STXBP5L: variants seen among roughly 807,000 people sequenced by gnomAD.
The protein encoded by STXBP5L is syntaxin-binding protein 5-like.
Under a neutral mutation model 144.5 loss-of-function variants are expected in STXBP5L, and 65 were observed. That is an observed-to-expected ratio of 0.45 (90% CI 0.37 to 0.55). The LOEUF is 0.55. Ranked by LOEUF, STXBP5L falls within the 20% of genes least tolerant of loss-of-function variation. The pLI, the probability that STXBP5L is intolerant of heterozygous loss-of-function variation, is 0.00. For synonymous variants in STXBP5L, 505 were observed against 469.6 expected, an observed-to-expected ratio of 1.08 and a Z score of -0.97; for missense variants, 1,298 against 1,405.5, an observed-to-expected ratio of 0.92 and a Z score of 1.22.
chr3:121,259,127 A>G lies in STXBP5L; in HGVS notation c.1917A>G (p.Pro639=), dbSNP rs1315737370. The change falls in exon 18 of 27, where the codon CCA becomes CCG. Residue 639 remains proline, a synonymous_variant. Transcript: ENST00000471454. ...TGGTGTGGGTAGATGGTGAACCTCC[A>G]CAACAGATTACTAGTCTTGCTGTAA... is the stretch of plus-strand genomic sequence containing the variant. ...IQLVWVDGEP[P]QQITSLAVSS... The G allele has an allele frequency of 6.2e-7, 1 of 1,600,476 alleles. No individual in the cohort carries two copies. Among genetic ancestry groups the G allele is most frequent in the South Asian group, 1.1e-5 (1 of 88,438 alleles).
chr3:121,300,399 C>T (rs1250627612), intron 19 of STXBP5L, among the ~76,000 whole-genome samples: 2 of 152,000 alleles, frequency 1.3e-5, no homozygotes, highest in East Asian at 1.9e-4. Context: ...TTTGTCTTTC[C>T]GTAAACTCTG....
At chr3:121,161,217 A>AGTTTT (rs2046312238) in intron 9 of STXBP5L, among the ~76,000 whole-genome samples, 1 of 147,946 alleles carries the variant, frequency 6.8e-6, no homozygotes, top group East Asian at 2.0e-4. Flanking sequence ...CTGGAAGTTC[A>AGTTTT]GTTTTGTTTT....
At chr3:121,300,267 T>C (rs2051836978) in intron 19 of STXBP5L, among the ~76,000 whole-genome samples, 1 of 152,096 alleles carries the variant, frequency 6.6e-6, no homozygotes, top group Non-Finnish European at 1.5e-5. Context: ...AACAGATCTG[T>C]ACTATAAGAA....
At chr3:121,098,070 T>A (rs2043221378) in intron 5 of STXBP5L, among the ~76,000 whole-genome samples, 1 of 152,212 alleles carries the variant, frequency 6.6e-6, no homozygotes, top group Non-Finnish European at 1.5e-5. Flanking sequence ...CCTATTAGTA[T>A]AATTTTCTGT....
At chr3:120,990,423 C>T (rs1027432162) in intron 3 of STXBP5L, among the ~76,000 whole-genome samples, 14 of 152,250 alleles carry the variant, frequency 9.2e-5, no homozygotes, top group Admixed American at 3.3e-4. Context: ...CATCAAGCTA[C>T]CAATGACTTT....
intron 5 of STXBP5L, among the ~76,000 whole-genome samples, chr3:121,060,511 CT>C (rs1351318237): frequency 2.6e-5 from 4 of 152,170 alleles, no homozygotes; most frequent in Non-Finnish European, 4.4e-5. Flanking sequence ...AGGAGTCCCT[CT>C]TTTTCTATTG....
At chr3:120,997,101 T>A (rs1943411692) in intron 3 of STXBP5L, among the ~76,000 whole-genome samples, 1 of 151,640 alleles carries the variant, frequency 6.6e-6, no homozygotes, top group Non-Finnish European at 1.5e-5. Context: ...TCTAGCTCCA[T>A]CCATGTTACT....
intron 9 of STXBP5L, among the ~76,000 whole-genome samples, chr3:121,190,520 C>G (rs573091216): frequency 1.3e-5 from 2 of 152,300 alleles, no homozygotes; most frequent in East Asian, 1.9e-4. Context: ...CTTTTCTATT[C>G]GACAAAACCG....
intron 9 of STXBP5L, among the ~76,000 whole-genome samples, chr3:121,164,224 A>C (rs950861695): frequency 3.9e-5 from 6 of 152,286 alleles, no homozygotes; most frequent in African/African-American, 1.4e-4. Context: ...ACACATAAAA[A>C]TGGCCAACAC....
At chr3:120,922,958 A>C (rs1709428312) in intron 2 of STXBP5L, among the ~76,000 whole-genome samples, 1 of 151,884 alleles carries the variant, frequency 6.6e-6, no homozygotes, top group Admixed American at 6.6e-5. Flanking sequence ...GTTAGGTAGA[A>C]TTCATCAATG....
chr3:121,026,278 A>C (rs1945938041), intron 3 of STXBP5L, among the ~76,000 whole-genome samples: 1 of 151,868 alleles, frequency 6.6e-6, no homozygotes, highest in Non-Finnish European at 1.5e-5. Flanking sequence ...TCTTTGTTCT[A>C]GATCACCTGG....
intron 9 of STXBP5L, among the ~76,000 whole-genome samples, chr3:121,191,506 C>G (rs1049321170): frequency 6.6e-6 from 1 of 152,070 alleles, no homozygotes; most frequent in African/African-American, 2.4e-5. Context: ...CCAGCCTCGG[C>G]TGGGCATCAG....
At chr3:120,975,643 C>A (rs1940893401) in intron 3 of STXBP5L, among the ~76,000 whole-genome samples, 1 of 152,082 alleles carries the variant, frequency 6.6e-6, no homozygotes, top group African/African-American at 2.4e-5. Flanking sequence ...GGAATGCTTC[C>A]AGTTTTTGCC....
chr3:121,302,231 G>T (rs1428994330), intron 19 of STXBP5L, among the ~76,000 whole-genome samples: 1 of 152,028 alleles, frequency 6.6e-6, no homozygotes, highest in African/African-American at 2.4e-5. Flanking sequence ...GCCTGTTATT[G>T]GTCTATTCAG....
intron 2 of STXBP5L, among the ~76,000 whole-genome samples, chr3:120,946,253 C>A (rs760531527): frequency 2.0e-5 from 3 of 148,528 alleles, no homozygotes; most frequent in Non-Finnish European, 3.0e-5. Flanking sequence ...TCAAAAGCAA[C>A]CTTGAACTGA....
At chr3:121,092,281 A>C (rs1311826926) in intron 5 of STXBP5L, among the ~76,000 whole-genome samples, 1 of 151,812 alleles carries the variant, frequency 6.6e-6, no homozygotes, top group East Asian at 1.9e-4. Flanking sequence ...TATGAACTTT[A>C]AAGTAGTGTT....
intron 20 of STXBP5L, among the ~76,000 whole-genome samples, chr3:121,323,753 CT>C (rs5852267): frequency 2.0e-5 from 3 of 151,638 alleles, no homozygotes; most frequent in Non-Finnish European, 4.4e-5. Context: ...GCTGTACAAC[CT>C]TTTTTTTCTC....
intron 2 of STXBP5L, among the ~76,000 whole-genome samples, chr3:120,918,510 A>G (rs192082657): frequency 6.6e-6 from 1 of 152,272 alleles, no homozygotes; most frequent in East Asian, 1.9e-4. Context: ...TGCTACTCTT[A>G]CATTTCATTA....
chr3:121,096,794 G>T (rs1160860967), intron 5 of STXBP5L, among the ~76,000 whole-genome samples: 1 of 152,196 alleles, frequency 6.6e-6, no homozygotes, highest in East Asian at 1.9e-4. Context: ...CCTACTGGGA[G>T]GTGTCTCCCA....
Sources: gnomAD v4.1 joint callset for allele counts (sites outside exome capture counted in the v4.1 genomes callset) on GRCh38, gnomAD v4.1.1 for gene constraint, MANE v1.5 for transcripts, NCBI Gene and HGNC (gene_info 2026-07-23, HGNC 2026-07-21) for gene names.